The following LHX4 variants were observed in gnomAD, a reference collection of about 807,000 sequenced individuals.
The protein encoded by LHX4 is LIM/homeobox protein Lhx4.
Under a neutral mutation model 39.2 loss-of-function variants are expected in LHX4, and 16 were observed. The ratio of observed to expected loss-of-function variants is 0.41; its 90% CI spans 0.28 to 0.62. LHX4 has a LOEUF of 0.62. Among genes scored for constraint, LHX4 ranks in the 20% least tolerant of loss-of-function variants. The pLI, the probability that LHX4 is intolerant of heterozygous loss-of-function variation, is 0.33. For synonymous variants in LHX4, 206 were observed against 198.1 expected, an observed-to-expected ratio of 1.04 and a Z score of -0.33; for missense variants, 439 against 511.9, an observed-to-expected ratio of 0.86 and a Z score of 1.37.
chr1:180,273,003 A>T (rs546159913), intron 5 of LHX4: 2 of 152,142 alleles, frequency 1.3e-5, no homozygotes. Context: ...CCATTTGACA[A>T]TGGAGTGGAG....
In LHX4 at chr1:180,276,316, GC is replaced by G. The variant is rs2149270296; in HGVS notation, c.*1740del. 6.8e-6 allele frequency: 1 copy of G among 146,380 alleles called. No individual in the cohort carries two copies. The highest frequency in any genetic ancestry group is 2.5e-5 in the African/African-American group (1 of 39,524). 9.1% of individuals were successfully genotyped at this position (146,380 alleles called of 1,614,324 possible). On this transcript the variant is annotated 3_prime_UTR_variant, in exon 6 of 6. Coordinates refer to ENST00000263726, the MANE Select transcript of LHX4 (RefSeq NM_033343.4). Reference sequence around the variant, plus strand: ...TCTTGGACTGCTACATCTTTTGTAAGCCCTTTTCCAGGACTAAACTAAGTTC... The same window carrying G: ...TCTTGGACTGCTACATCTTTTGTAAGCCTTTTCCAGGACTAAACTAAGTTC...
chr1:180,257,511 G>C (rs562125485), intron 2 of LHX4, among the ~76,000 whole-genome samples: 1 of 152,302 alleles, frequency 6.6e-6, no homozygotes, highest in African/African-American at 2.4e-5. Flanking sequence ...TCTGGAGAAG[G>C]CTGCCCATTC....
chr1:180,236,430 G>A (rs1269270590), intron 1 of LHX4, among the ~76,000 whole-genome samples: 1 of 152,168 alleles, frequency 6.6e-6, no homozygotes, highest in Non-Finnish European at 1.5e-5. Flanking sequence ...TGATTACTTA[G>A]CATCCACATT....
chr1:180,262,776 G>A (rs1398238515), intron 2 of LHX4, among the ~76,000 whole-genome samples: 1 of 151,644 alleles, frequency 6.6e-6, no homozygotes, highest in Non-Finnish European at 1.5e-5. Context: ...CAGTTCGTTC[G>A]TTCACTCATT....
chr1:180,272,238 C>T (rs572214216), intron 5 of LHX4, among the ~76,000 whole-genome samples: 3 of 152,238 alleles, frequency 2.0e-5, no homozygotes, highest in South Asian at 2.1e-4. Context: ...GGCCAGGCCC[C>T]GTCCTGTGGC....
At chr1:180,250,045 G>T (rs994988329) in intron 2 of LHX4, among the ~76,000 whole-genome samples, 42 of 152,250 alleles carry the variant, frequency 2.8e-4, no homozygotes, top group African/African-American at 9.6e-4. Context: ...TGGGTGCCCG[G>T]CAAGTCCTTG....
chr1:180,239,653 A>C (rs114121771), intron 1 of LHX4, among the ~76,000 whole-genome samples: 196 of 152,342 alleles, frequency 1.3e-3, no homozygotes, highest in African/African-American at 4.5e-3. Context: ...ACCCAGAGTA[A>C]AAGAAGGTTT....
Position 180,276,764 on chromosome 1 carries a change from A to G in LHX4, c.*2185A>G, listed in dbSNP as rs534289227. 6 of 151,804 alleles carry G rather than the reference A, an allele frequency of 4.0e-5. 1 individual carries two copies. The highest frequency in any genetic ancestry group is 7.4e-5 in the Non-Finnish European group (5 of 67,998). The allele number at this position is 151,804 out of a possible 1,614,324, so 9.4% of individuals were successfully genotyped here. A position where few individuals can be genotyped will look rare whatever the true frequency, so the allele number is the denominator to read the frequency against. ...TTGCAGGTTGACTATTTGGCTTAGC[A>G]ACTCATGGGATTTCAGAGGCCCTTG... On this transcript the variant is annotated 3_prime_UTR_variant, in exon 6 of 6. Coordinates refer to ENST00000263726, the MANE Select transcript of LHX4 (RefSeq NM_033343.4).
intron 2 of LHX4, among the ~76,000 whole-genome samples, chr1:180,255,380 A>G (rs1033314574): frequency 6.6e-5 from 10 of 152,096 alleles, no homozygotes; most frequent in African/African-American, 2.4e-4. Flanking sequence ...ACACATGCAT[A>G]CACACACGCA....
intron 2 of LHX4, among the ~76,000 whole-genome samples, chr1:180,261,625 C>T (rs974299895): frequency 5.9e-5 from 9 of 152,060 alleles, no homozygotes; most frequent in Admixed American, 1.3e-4. Flanking sequence ...CCTGGGCAAC[C>T]GAGTGAGATC....
intron 1 of LHX4, among the ~76,000 whole-genome samples, chr1:180,231,553 GTC>G (rs1491143930): frequency 1.0e-5 from 1 of 97,190 alleles, no homozygotes; most frequent in East Asian, 2.5e-4. Flanking sequence ...GTGCCCAGTC[GTC>G]GCGCGCGCGC....
At chr1:180,237,500 G>A (rs12069743) in intron 1 of LHX4, among the ~76,000 whole-genome samples, 6,415 of 152,186 alleles carry the variant, frequency 0.042, 263 homozygotes, top group South Asian at 0.2. Context: ...GGACAGGTTG[G>A]GTTTAATTGG....
intron 1 of LHX4, among the ~76,000 whole-genome samples, chr1:180,231,918 A>C (rs1220943123): frequency 6.6e-6 from 1 of 152,174 alleles, no homozygotes; most frequent in Non-Finnish European, 1.5e-5. Context: ...GAATAGCTTC[A>C]TCCAAGCCTA....
upstream of LHX4, among the ~76,000 whole-genome samples, chr1:180,229,971 G>T (rs868492532): frequency 2.6e-4 from 37 of 141,756 alleles, 4 homozygotes; most frequent in South Asian, 3.4e-3. Flanking sequence ...GGGAGGGGGG[G>T]GGGGTGCCGG....
intron 3 of LHX4, chr1:180,271,094 T>C: frequency 2.0e-6 from 1 of 498,250 alleles, no homozygotes; most frequent in Non-Finnish European, 3.7e-6. Flanking sequence ...GTACATTCAA[T>C]CTGATGAGAC....
chr1:180,260,689 G>A (rs983124459), intron 2 of LHX4, among the ~76,000 whole-genome samples: 2 of 151,810 alleles, frequency 1.3e-5, no homozygotes, highest in Non-Finnish European at 2.9e-5. Flanking sequence ...ACACTGGGGG[G>A]TGAGGGCTTC....
In LHX4 at chr1:180,266,347, C is replaced by T. The variant is rs755559080; in HGVS notation, c.249-45C>T. 1 of 1,595,780 alleles carries T rather than the reference C, an allele frequency of 6.3e-7. No homozygotes were observed. Among genetic ancestry groups the T allele is most frequent in the African/African-American group, 1.3e-5 (1 of 74,478 alleles). On this transcript the variant is annotated intron_variant, in intron 2 of 5. Transcript: ENST00000263726. This position sits in a 1 kb window ranked among gnomAD's most constrained non-coding sequence, Gnocchi z 5.7. ...TCCAGGAAGTTGGGGGAAGCCAGAT[C>T]CCTTGCTCCCTGTGTGCCCTAATCC...
At chr1:180,256,532 G>A (rs1211186096) in intron 2 of LHX4, among the ~76,000 whole-genome samples, 6 of 152,172 alleles carry the variant, frequency 3.9e-5, no homozygotes, top group East Asian at 1.9e-4. Flanking sequence ...TCTGCCATGC[G>A]CCGTCTGGAG....
At chr1:180,271,348 C>G (rs372050363) in intron 3 of LHX4, 32 bp from the exon 4 acceptor site, 14 of 1,613,724 alleles carry the variant, frequency 8.7e-6, no homozygotes, top group Non-Finnish European at 1.0e-5. Context: ...GCAGATAGGC[C>G]GAAGCCAGTA....
Sources: allele counts gnomAD v4.1 joint callset (sites outside exome capture counted in the v4.1 genomes callset), GRCh38; gene constraint gnomAD v4.1.1; non-coding constraint Gnocchi (gnomAD v3.1); transcripts MANE v1.5; gene names NCBI Gene and HGNC (gene_info 2026-07-23, HGNC 2026-07-21).